The following TRIM16 variants were observed in gnomAD, a reference collection of about 807,000 sequenced individuals.
The protein encoded by TRIM16 is tripartite motif containing 16.
Under a neutral mutation model 50.4 loss-of-function variants are expected in TRIM16, and 33 were observed. That is an observed-to-expected ratio of 0.65 (90% CI 0.50 to 0.88). The LOEUF (loss-of-function observed/expected upper bound fraction) is 0.88. TRIM16 is among the 40% of genes least tolerant of loss of function. The pLI is 0.00. For synonymous variants in TRIM16, 229 were observed against 270.7 expected (o/e 0.85, Z 1.51); for missense variants, 581 against 686.8 (o/e 0.85, Z 1.72).
In TRIM16 at chr17:15,628,120, T is replaced by G. The variant is rs188421413; in HGVS notation, c.*495A>C. 4.2e-3 allele frequency: 642 copies of G among 153,124 alleles called. 6 individuals are homozygous for G. In the Middle Eastern group the frequency reaches 0.044, roughly 10 times the overall value. The allele number at this position is 153,124 out of a possible 1,614,324, so 9.5% of individuals were successfully genotyped here. ...GGGAGATTTGGTGCCTAAAAATTAC[T>G]ACAAACAGGCAGGGCGCAGTGGCTC... On this transcript the variant is annotated 3_prime_UTR_variant, in exon 12 of 12. Transcript: ENST00000649191.
intron 6 of TRIM16, among the ~76,000 whole-genome samples, chr17:15,654,747 A>G (rs562181439): frequency 3.0e-4 from 45 of 152,162 alleles, no homozygotes; most frequent in Non-Finnish European, 5.3e-4. Context: ...CTTCTGTAAT[A>G]TGCTTCCCCC....
rs1448363784 is a variant in TRIM16 at position 15,683,088 on chromosome 17, A to G, written c.-829T>C. 3.9e-6 allele frequency: 6 copies of G among 1,550,496 alleles called. No homozygotes were observed. Among genetic ancestry groups the G allele is most frequent in the Non-Finnish European group, 5.2e-6 (6 of 1,146,984 alleles). On this transcript the variant is annotated 5_prime_UTR_variant, in exon 2 of 12. Transcript: ENST00000649191. ...CCTCCATAATCATAGCCTTTGCTTC[A>G]CTATTTGGGTGTAGCAACCTTTCCG...
rs560522804 is a variant in TRIM16, at chr17:15,651,082, A to G, written c.519+9T>C. 1 of 1,596,696 alleles carries G rather than the reference A, an allele frequency of 6.3e-7. No individual in the cohort carries two copies. Among genetic ancestry groups the G allele is most frequent in the Non-Finnish European group, 8.5e-7 (1 of 1,170,380 alleles). On this transcript the variant is annotated intron_variant, in intron 7 of 11. Coordinates refer to ENST00000649191, the MANE Select transcript of TRIM16 (RefSeq NM_001348119.1). ...CTCCCAAATGGATGAATGGTCCCCA[A>G]GCACTCACCTCCTTGTCCCTGCGGG...
rs1986476629 is a variant in TRIM16 at position 15,632,438 on chromosome 17, C to A, written c.1015+71G>T. On this transcript the variant is annotated intron_variant, in intron 10 of 11. Transcript: ENST00000649191. ...TGATTTCATCCTCCCTTCCCTGACTCTCTCTCACCTTCCTATCATCTACTG... is the reference window on the plus strand; with the variant it reads ...TGATTTCATCCTCCCTTCCCTGACTATCTCTCACCTTCCTATCATCTACTG... 2.7e-6 allele frequency: 4 copies of A among 1,475,216 alleles called. No homozygotes were observed. The Admixed American group carries it at 9.0e-5, about 33-fold the overall frequency. 91.4% of individuals were successfully genotyped at this position (1,475,216 alleles called of 1,614,324 possible).
At position 15,651,319 on chromosome 17, in the gene TRIM16, C is replaced by G; in HGVS notation, c.291G>C (p.Met97Ile). Reference protein sequence around the residue: ...VKAVKSCLTCMVNYCEEHLQP... With the variant: ...VKAVKSCLTCIVNYCEEHLQP... ...GCAAGTGCTCTTCACAGTAATTCAC[C>G]ATGCAGGTTAGACAGGACTTCACTG... The change falls in exon 7 of 12, where the codon ATG becomes ATC. Residue 97 changes from methionine to isoleucine, a missense_variant. By Grantham distance (10) the Met-to-Ile change is conservative. Around this residue, in one of 3 missense-constraint regions of TRIM16, gnomAD observed 450 missense variants for 544.3 expected, o/e 0.83. Coordinates refer to ENST00000649191, the MANE Select transcript of TRIM16 (RefSeq NM_001348119.1). 1 of 1,614,234 alleles carries G rather than the reference C, an allele frequency of 6.2e-7. No individual in the cohort carries two copies. Among genetic ancestry groups the G allele is most frequent in the Non-Finnish European group, 8.5e-7 (1 of 1,180,042 alleles).
chr17:15,652,012 C>G (rs186764034), intron 6 of TRIM16, 66 bp from the exon 7 acceptor site: 6 of 1,053,206 alleles, frequency 5.7e-6, no homozygotes, highest in Non-Finnish European at 6.9e-6. Context: ...GTCTGACAAG[C>G]GACATTTTTT....
chr17:15,665,096 G>C (rs1294097986), intron 6 of TRIM16, among the ~76,000 whole-genome samples: 1 of 151,502 alleles, frequency 6.6e-6, no homozygotes, highest in Non-Finnish European at 1.5e-5. Flanking sequence ...CTGCTCAACA[G>C]GGTGTGTTTG....
chr17:15,680,989 CT>C (rs1265948959), intron 3 of TRIM16, 36 bp from the exon 4 acceptor site: 1 of 1,393,658 alleles, frequency 7.2e-7, no homozygotes, highest in African/African-American at 1.5e-5. Context: ...CCTGGTTTAT[CT>C]TTATGTATCT....
chr17:15,660,897 C>CAAAAAAA (rs550489491), intron 6 of TRIM16, among the ~76,000 whole-genome samples: 52 of 59,960 alleles, frequency 8.7e-4, no homozygotes, highest in Non-Finnish European at 1.3e-3. Context: ...GACTCCATCT[C>CAAAAAAA]AAAAAAAAAA....
At chr17:15,644,050 G>A (rs1453505741) in intron 7 of TRIM16, among the ~76,000 whole-genome samples, 2 of 152,158 alleles carry the variant, frequency 1.3e-5, no homozygotes, top group African/African-American at 4.8e-5. Context: ...ACTTGGAGAT[G>A]GAAGAGATGC....
intron 11 of TRIM16, 33 bp from the exon 12 acceptor site, chr17:15,629,231 A>G (rs777411084): frequency 6.5e-7 from 1 of 1,537,770 alleles, no homozygotes; most frequent in African/African-American, 1.4e-5. Context: ...AGAGTGGTTC[A>G]GGAACTGACA....
chr17:15,651,596 T>A lies in TRIM16; in HGVS notation c.14A>T (p.Asp5Val). Residue 5 changes from aspartate to valine, a missense_variant, in exon 7 of 12, where the codon GAT becomes GTT. Coordinates refer to ENST00000649191, the MANE Select transcript of TRIM16 (RefSeq NM_001348119.1). MAEL[D>V]LMAPGPLPRA... is the part of the protein sequence containing the mutation. ...GGGCAGTGGCCCTGGAGCCATTAGA[T>A]CCAACTCAGCCATCTGGGAGGCTCT... The A allele has an allele frequency of 6.2e-7, 1 of 1,613,806 alleles. No homozygotes were observed. The highest frequency in any genetic ancestry group is 1.3e-5 in the African/African-American group (1 of 75,038).
Position 15,628,354 on chromosome 17 carries a change from A to G in TRIM16, c.*261T>C. ...AACTCGGGAGGCGGAGCTTGCAGTG[A>G]GCCAAGATCGCGCCACTGCTCTCCA... is the stretch of plus-strand genomic sequence containing the variant. On this transcript the variant is annotated 3_prime_UTR_variant, in exon 12 of 12. Transcript: ENST00000649191. 1 of 351,972 alleles carries G rather than the reference A, an allele frequency of 2.8e-6. No individual in the cohort carries two copies. Among genetic ancestry groups the G allele is most frequent in the Non-Finnish European group, 5.1e-6 (1 of 197,780 alleles). 21.8% of individuals were successfully genotyped at this position (351,972 alleles called of 1,614,324 possible).
intron 6 of TRIM16, chr17:15,654,565 C>A (rs1987882430): frequency 6.6e-6 from 1 of 152,210 alleles, no homozygotes; most frequent in Non-Finnish European, 1.5e-5. Flanking sequence ...TTTTCTGTGG[C>A]CAGTGAGCCT....
At chr17:15,671,034 T>C (rs934001669) in intron 6 of TRIM16, among the ~76,000 whole-genome samples, 4 of 152,302 alleles carry the variant, frequency 2.6e-5, no homozygotes, top group African/African-American at 9.6e-5. Context: ...ATTCACCGTG[T>C]TGCTGTATCC....
intron 6 of TRIM16, among the ~76,000 whole-genome samples, chr17:15,660,591 C>G (rs1475466491): frequency 1.3e-5 from 2 of 152,108 alleles, no homozygotes; most frequent in East Asian, 1.9e-4. Context: ...AACAAAGCAA[C>G]AAGAATGCTC....
intron 3 of TRIM16, 116 bp downstream of exon 3, chr17:15,682,738 T>G: frequency 9.6e-7 from 1 of 1,040,576 alleles, no homozygotes; most frequent in East Asian, 4.5e-5. Context: ...CCCCTTATCC[T>G]TCAGAAAGGC....
chr17:15,649,704 G>A (rs1451126831), intron 7 of TRIM16, among the ~76,000 whole-genome samples: 2 of 152,126 alleles, frequency 1.3e-5, no homozygotes, highest in African/African-American at 4.8e-5. Flanking sequence ...TGATTTTTGT[G>A]TCCTTTCTTC....
rs150609444 is a variant in TRIM16 at position 15,655,597 on chromosome 17, C to G, written c.-337-3651G>C. Among the ~76,000 whole-genome samples, 293 of 150,766 alleles carry G rather than the reference C, an allele frequency of 1.9e-3. 1 individual carries two copies. Among genetic ancestry groups the G allele is most frequent in the African/African-American group, 6.8e-3 (278 of 40,926 alleles). On this transcript the variant is annotated intron_variant, in intron 6 of 11. Transcript: ENST00000649191. ...TCTCTCTCTTTTTTTTTTTTTGAGA[C>G]GGAGTATCGCTCTGTCGCCCAGGCT...
Sources: allele counts gnomAD v4.1 joint callset (sites outside exome capture counted in the v4.1 genomes callset), GRCh38; gene constraint gnomAD v4.1.1; regional missense constraint gnomAD v4.1.1; transcripts MANE v1.5; gene names NCBI Gene and HGNC (gene_info 2026-07-23, HGNC 2026-07-21).